CWC27: variants seen among roughly 807,000 people sequenced by gnomAD.
The protein encoded by CWC27 is spliceosome-associated protein CWC27 homolog.
In CWC27, 47 loss-of-function variants were observed where a neutral mutation model predicts 63.6. The observed-to-expected ratio is 0.74, with a 90% confidence interval of 0.58 to 0.94. The LOEUF (loss-of-function observed/expected upper bound fraction) is 0.94. CWC27 is among the 40% of genes least tolerant of loss of function. The pLI is 0.00. For synonymous variants in CWC27, 175 were observed against 179.8 expected (o/e 0.97, Z 0.22); for missense variants, 495 against 554.3 (o/e 0.89, Z 1.07).
At chr5:64,852,773 AC>A (rs1746167290) in intron 10 of CWC27, among the ~76,000 whole-genome samples, 1 of 146,242 alleles carries the variant, frequency 6.8e-6, no homozygotes, top group African/African-American at 2.5e-5. Context: ...GCTCCCGGCC[AC>A]CTTTTTTTTT....
chr5:64,786,656 G>C (rs1167269666), intron 6 of CWC27, 29 bp downstream of exon 6: 1 of 1,351,108 alleles, frequency 7.4e-7, no homozygotes, highest in South Asian at 1.3e-5. Context: ...TTTTTCTTCA[G>C]CTTGAAAAAT....
chr5:64,797,382 A>G (rs1744313096), intron 7 of CWC27, among the ~76,000 whole-genome samples: 1 of 152,080 alleles, frequency 6.6e-6, no homozygotes, highest in Non-Finnish European at 1.5e-5. Flanking sequence ...TCTTCAGTTC[A>G]TCTCCAATTT....
chr5:64,854,693 A>C (rs1184239532), intron 10 of CWC27, among the ~76,000 whole-genome samples: 1 of 152,222 alleles, frequency 6.6e-6, no homozygotes, highest in Non-Finnish European at 1.5e-5. Context: ...ACATCTTAGA[A>C]ATAGCTCTTC....
chr5:64,982,381 T>C (rs1485314338), intron 13 of CWC27, among the ~76,000 whole-genome samples: 2 of 152,076 alleles, frequency 1.3e-5, no homozygotes, highest in Non-Finnish European at 2.9e-5. Flanking sequence ...TGGAGTGCAC[T>C]GGTGCAGTCA....
intron 10 of CWC27, among the ~76,000 whole-genome samples, chr5:64,871,312 A>G (rs1213831127): frequency 6.6e-6 from 1 of 152,136 alleles, no homozygotes; most frequent in Non-Finnish European, 1.5e-5. Flanking sequence ...GATAAGCTTG[A>G]TGGTAAGGAT....
chr5:64,840,398 T>A (rs1485381368), intron 10 of CWC27, among the ~76,000 whole-genome samples: 4 of 41,616 alleles, frequency 9.6e-5, no homozygotes, highest in African/African-American at 2.6e-4. Context: ...AAAAAAAATA[T>A]ATATATATAT....
chr5:65,017,487 C>G (rs777878040), intron 13 of CWC27, among the ~76,000 whole-genome samples: 1 of 152,206 alleles, frequency 6.6e-6, no homozygotes, highest in African/African-American at 2.4e-5. Context: ...AGGATTCCAG[C>G]ATATGCTGAT....
At chr5:64,873,322 T>A (rs1746722331) in intron 10 of CWC27, among the ~76,000 whole-genome samples, 1 of 152,176 alleles carries the variant, frequency 6.6e-6, no homozygotes, top group Admixed American at 6.5e-5. Flanking sequence ...TTTCAATTTT[T>A]AAAATACATC....
At chr5:64,837,686 TA>T (rs1040633898) in intron 10 of CWC27, among the ~76,000 whole-genome samples, 101 of 150,370 alleles carry the variant, frequency 6.7e-4, no homozygotes, top group African/African-American at 2.3e-3. Context: ...ATTTTGACAT[TA>T]AAAAAAAAGC....
At chr5:64,832,902 A>G (rs1183096965) in intron 10 of CWC27, among the ~76,000 whole-genome samples, 1 of 151,784 alleles carries the variant, frequency 6.6e-6, no homozygotes. Flanking sequence ...CACAAACCAT[A>G]CTTATGAACT....
intron 11 of CWC27, among the ~76,000 whole-genome samples, chr5:64,970,695 C>G (rs141250775): frequency 3.3e-5 from 5 of 152,226 alleles, no homozygotes; most frequent in Non-Finnish European, 7.4e-5. Context: ...AACCAGGACT[C>G]TCCTTCCAAG....
intron 11 of CWC27, among the ~76,000 whole-genome samples, chr5:64,905,557 A>G (rs1251509792): frequency 6.6e-6 from 1 of 152,244 alleles, no homozygotes; most frequent in Non-Finnish European, 1.5e-5. Context: ...AGTAATGCCC[A>G]TAATTTATGT....
At chr5:64,873,214 C>A (rs927914116) in intron 10 of CWC27, among the ~76,000 whole-genome samples, 4 of 151,956 alleles carry the variant, frequency 2.6e-5, no homozygotes, top group Admixed American at 2.0e-4. Flanking sequence ...TTAAAAATAG[C>A]CAAAGAAAGA....
chr5:64,823,188 C>T (rs562616653), intron 10 of CWC27, among the ~76,000 whole-genome samples: 15 of 152,270 alleles, frequency 9.9e-5, no homozygotes, highest in African/African-American at 3.6e-4. Flanking sequence ...CATGAGACCA[C>T]TTTTAAAACG....
intron 11 of CWC27, among the ~76,000 whole-genome samples, chr5:64,896,841 C>T (rs958921798): frequency 5.3e-5 from 8 of 152,112 alleles, no homozygotes; most frequent in South Asian, 2.1e-4. Context: ...TCTAATACTT[C>T]GCCTAAAAAA....
intron 13 of CWC27, among the ~76,000 whole-genome samples, chr5:64,992,203 G>A (rs1309553): frequency 0.45 from 68,026 of 152,000 alleles, 15,388 homozygotes; most frequent in African/African-American, 0.47. Context: ...ACTAGCTGTC[G>A]CAGATTTGTT....
chr5:64,996,815 G>C (rs944071826), intron 13 of CWC27, among the ~76,000 whole-genome samples: 17 of 152,110 alleles, frequency 1.1e-4, no homozygotes, highest in African/African-American at 4.1e-4. Flanking sequence ...TAGTGCATCA[G>C]TATTTTTATG....
At chr5:64,886,652 C>T (rs1436122613) in intron 11 of CWC27, among the ~76,000 whole-genome samples, 3 of 151,920 alleles carry the variant, frequency 2.0e-5, no homozygotes, top group South Asian at 2.1e-4. Context: ...ATTTAAAGGG[C>T]GTAGTTCTCA....
intron 7 of CWC27, among the ~76,000 whole-genome samples, chr5:64,792,388 T>C (rs888656122): frequency 2.0e-5 from 3 of 152,138 alleles, no homozygotes; most frequent in Non-Finnish European, 4.4e-5. Context: ...TCTATATGTA[T>C]GCCTTATTGT....
Sources: gnomAD v4.1 joint callset for allele counts (sites outside exome capture counted in the v4.1 genomes callset) on GRCh38, gnomAD v4.1.1 for gene constraint, MANE v1.5 for transcripts, NCBI Gene and HGNC (gene_info 2026-07-23, HGNC 2026-07-21) for gene names.